CTNNA3: variants seen among roughly 807,000 people sequenced by gnomAD.
The protein encoded by CTNNA3 is catenin alpha 3, also known as catenin alpha-3.
A neutral mutation model predicts 95.7 loss-of-function variants in CTNNA3; 76 were observed. The observed-to-expected ratio is 0.79, with a 90% confidence interval of 0.66 to 0.96. CTNNA3 has a LOEUF of 0.96. Among genes scored for constraint, CTNNA3 ranks in the 40% least tolerant of loss-of-function variants. CTNNA3 has a pLI of 0.00. For synonymous variants in CTNNA3, 431 were observed against 374.4 expected, an observed-to-expected ratio of 1.15 and a Z score of -1.74; for missense variants, 1,191 against 1,089.8, an observed-to-expected ratio of 1.09 and a Z score of -1.31.
intron 5 of CTNNA3, among the ~76,000 whole-genome samples, chr10:67,227,992 G>A (rs1023030412): frequency 3.3e-5 from 5 of 151,776 alleles, no homozygotes; most frequent in Non-Finnish European, 5.9e-5. Flanking sequence ...AAAATTCTTC[G>A]AACTGAACAA....
chr10:66,165,102 C>A (rs1018008980), intron 13 of CTNNA3, among the ~76,000 whole-genome samples: 1 of 152,236 alleles, frequency 6.6e-6, no homozygotes, highest in East Asian at 1.9e-4. Context: ...AGAATAACGT[C>A]GTGTACTTTG....
At chr10:67,444,109 A>G (rs1846647931) in intron 5 of CTNNA3, among the ~76,000 whole-genome samples, 1 of 152,136 alleles carries the variant, frequency 6.6e-6, no homozygotes, top group East Asian at 1.9e-4. Context: ...TTTCTTCAGC[A>G]CAAGGATCAC....
chr10:67,513,812 A>G (rs1839718678), intron 5 of CTNNA3, among the ~76,000 whole-genome samples: 1 of 152,206 alleles, frequency 6.6e-6, no homozygotes, highest in African/African-American at 2.4e-5. Context: ...TCAAACAGGA[A>G]AAGAATGCTT....
intron 13 of CTNNA3, among the ~76,000 whole-genome samples, chr10:66,128,983 G>T (rs905118331): frequency 1.3e-5 from 2 of 151,822 alleles, no homozygotes; most frequent in African/African-American, 4.8e-5. Flanking sequence ...AAAAAAACTT[G>T]GCTGGGCGCA....
At chr10:66,472,768 C>T (rs898265651) in intron 11 of CTNNA3, among the ~76,000 whole-genome samples, 2 of 151,890 alleles carry the variant, frequency 1.3e-5, no homozygotes, top group Non-Finnish European at 2.9e-5. Context: ...CAAGTTCCTG[C>T]TGGTAGTAGG....
At chr10:66,747,957 G>C (rs934253299) in intron 9 of CTNNA3, among the ~76,000 whole-genome samples, 5 of 152,066 alleles carry the variant, frequency 3.3e-5, no homozygotes, top group Non-Finnish European at 7.4e-5. Context: ...AGGTCAAATG[G>C]GAGATTCATA....
chr10:66,915,273 GA>G (rs777272127), intron 7 of CTNNA3, among the ~76,000 whole-genome samples: 3 of 151,112 alleles, frequency 2.0e-5, no homozygotes, highest in African/African-American at 7.3e-5. Flanking sequence ...TCATACAGAG[GA>G]AAAAAATAGA....
chr10:66,543,907 GTGTGTATATATA>G (rs61248743), intron 10 of CTNNA3, among the ~76,000 whole-genome samples: 1,940 of 28,938 alleles, frequency 0.067, 50 homozygotes, highest in South Asian at 0.16. Flanking sequence ...AGATGTGTGT[GTGTGTATATATA>G]TATATATATA....
At chr10:66,512,184 T>C (rs1840686628) in intron 11 of CTNNA3, among the ~76,000 whole-genome samples, 1 of 152,014 alleles carries the variant, frequency 6.6e-6, no homozygotes, top group Admixed American at 6.6e-5. Context: ...CTGATATAAG[T>C]TTGCTACTTT....
At chr10:67,041,138 G>A (rs1229637095) in intron 7 of CTNNA3, among the ~76,000 whole-genome samples, 1 of 152,082 alleles carries the variant, frequency 6.6e-6, no homozygotes, top group African/African-American at 2.4e-5. Context: ...CTGAGAACTA[G>A]GGAATTCAGC....
Position 67,259,984 on chromosome 10 carries a change from T to C in CTNNA3, c.580-40114A>G, listed in dbSNP as rs1866529084. On this transcript the variant is annotated intron_variant, in intron 5 of 17. Coordinates refer to ENST00000433211, the MANE Select transcript of CTNNA3 (RefSeq NM_013266.4). The stretch of plus-strand genomic sequence containing the variant: ...TATACTATATGTTAGTATAATCCAT[T>C]ACCTTGGATTAAAGCACAATTTCTT... 2.0e-5 allele frequency among the ~76,000 whole-genome samples: 3 copies of C among 152,224 alleles called. No homozygotes were observed. The South Asian group carries it at 6.2e-4, about 31-fold the overall frequency.
At chr10:66,376,646 C>T (rs547175872) in intron 12 of CTNNA3, among the ~76,000 whole-genome samples, 11 of 152,146 alleles carry the variant, frequency 7.2e-5, no homozygotes, top group East Asian at 3.9e-4. Flanking sequence ...TTTGCAAAGA[C>T]GGAAAAGTCT....
chr10:65,984,571 T>C (rs2078386941), intron 16 of CTNNA3, among the ~76,000 whole-genome samples: 1 of 151,048 alleles, frequency 6.6e-6, no homozygotes, highest in African/African-American at 2.4e-5. Context: ...ATACTTTTGC[T>C]TTCTCCCATA....
intron 13 of CTNNA3, among the ~76,000 whole-genome samples, chr10:66,231,095 C>A (rs2089566431): frequency 6.6e-6 from 1 of 152,074 alleles, no homozygotes; most frequent in African/African-American, 2.4e-5. Context: ...CTTTCTGGGA[C>A]AATGCAGTTG....
chr10:67,030,957 T>C (rs972848836), intron 7 of CTNNA3, among the ~76,000 whole-genome samples: 1 of 152,126 alleles, frequency 6.6e-6, no homozygotes, highest in African/African-American at 2.4e-5. Flanking sequence ...TGAGCCGAGA[T>C]TGCATCGCTG....
At chr10:67,115,867 A>G (rs189853352) in intron 7 of CTNNA3, among the ~76,000 whole-genome samples, 64 of 151,982 alleles carry the variant, frequency 4.2e-4, no homozygotes, top group Admixed American at 1.1e-3. Flanking sequence ...TCCTAGGCCA[A>G]ATATTTAAAT....
chr10:66,131,764 T>G (rs1305979997), intron 13 of CTNNA3, among the ~76,000 whole-genome samples: 2 of 152,158 alleles, frequency 1.3e-5, no homozygotes, highest in African/African-American at 4.8e-5. Flanking sequence ...TACAATCATC[T>G]GATCTTCGAC....
chr10:66,984,181 T>C (rs1298633653), intron 7 of CTNNA3, among the ~76,000 whole-genome samples: 3 of 152,138 alleles, frequency 2.0e-5, no homozygotes, highest in Admixed American at 6.6e-5. Context: ...GTCAAGACAA[T>C]GTATTTACCA....
chr10:67,719,813 G>A (rs1482222174), intron 1 of CTNNA3, among the ~76,000 whole-genome samples: 2 of 152,002 alleles, frequency 1.3e-5, no homozygotes, highest in African/African-American at 4.8e-5. Flanking sequence ...ATGTCTATTA[G>A]GTCCACTTGG....
Sources: allele counts gnomAD v4.1 joint callset (sites outside exome capture counted in the v4.1 genomes callset), GRCh38; gene constraint gnomAD v4.1.1; transcripts MANE v1.5; gene names NCBI Gene and HGNC (gene_info 2026-07-23, HGNC 2026-07-21).